Variants in CCDC191 observed in about 807,000 individuals in gnomAD.
The protein encoded by CCDC191 is coiled-coil domain containing 191, also known as coiled-coil domain-containing protein 191.
Under a neutral mutation model 114.0 loss-of-function variants are expected in CCDC191, and 99 were observed. The ratio of observed to expected loss-of-function variants is 0.87; its 90% CI spans 0.74 to 1.03. The LOEUF is 1.03. Ranked by LOEUF, CCDC191 falls within the 50% of genes least tolerant of loss-of-function variation. The pLI, the probability that CCDC191 is intolerant of heterozygous loss-of-function variation, is 0.00. For missense variants in CCDC191, 973 were observed against 1,087.0 expected, an observed-to-expected ratio of 0.90 and a Z score of 1.47; for synonymous variants, 351 against 376.0, an observed-to-expected ratio of 0.93 and a Z score of 0.77.
chr3:113,990,920 A>AT (rs2075535356), intron 13 of CCDC191, among the ~76,000 whole-genome samples: 1 of 135,596 alleles, frequency 7.4e-6, no homozygotes, highest in Non-Finnish European at 1.6e-5. Context: ...CAACATAGTG[A>AT]TAAAGCACCT....
Position 114,031,700 on chromosome 3 carries a change from C to T in CCDC191, c.898G>A (p.Glu300Lys), listed in dbSNP as rs752199460. The change falls in exon 7 of 17, where the codon GAG becomes AAG. Residue 300 changes from glutamate (E) to lysine (K), a missense_variant. Coordinates refer to ENST00000295878, the MANE Select transcript of CCDC191 (RefSeq NM_020817.2). ...TTTCTTTCCTTCACCATTTTTTCCT[C>T]ATCTGGAAGAATGTGAGTACTTTGA... ...MFQSTHILPD[E>K]EKMVKERKRK... The T allele has an allele frequency of 4.1e-5, 65 of 1,583,578 alleles. No individual in the cohort carries two copies. In the Admixed American group the frequency reaches 6.7e-4, roughly 16 times the overall value.
At chr3:113,999,102 T>C (rs775409986) in intron 13 of CCDC191, among the ~76,000 whole-genome samples, 2 of 152,122 alleles carry the variant, frequency 1.3e-5, no homozygotes, top group Admixed American at 1.3e-4. Flanking sequence ...CAGTATCCAA[T>C]ACATGGCATG....
In CCDC191 at chr3:113,964,590, C is replaced by G. The variant is rs563189652; in HGVS notation, c.*565G>C. The G allele has an allele frequency of 1.3e-5, 2 of 152,210 alleles. No homozygotes were observed. The highest frequency in any genetic ancestry group is 4.8e-5 in the African/African-American group (2 of 41,448). 9.4% of individuals were successfully genotyped at this position (152,210 alleles called of 1,614,324 possible). ...GCACGGAAGAGAAGCATCTCTGGTG[C>G]CTCAGTTTCTCTGAAATCAGGATAA... is the stretch of plus-strand genomic sequence containing the variant. On this transcript the variant is annotated 3_prime_UTR_variant, in exon 17 of 17. Coordinates refer to ENST00000295878, the MANE Select transcript of CCDC191 (RefSeq NM_020817.2).
At chr3:114,011,500 C>T (rs1213702010) in intron 8 of CCDC191, among the ~76,000 whole-genome samples, 3 of 152,042 alleles carry the variant, frequency 2.0e-5, no homozygotes, top group African/African-American at 7.3e-5. Flanking sequence ...AAAAGGCTTA[C>T]AAAAATCAAA....
intron 13 of CCDC191, among the ~76,000 whole-genome samples, chr3:113,993,123 A>T (rs532682420): frequency 6.6e-6 from 1 of 152,232 alleles, no homozygotes; most frequent in Admixed American, 6.5e-5. Flanking sequence ...GATAAAAAAA[A>T]ATTTCAGTAG....
Position 114,034,968 on chromosome 3 carries a change from C to T in CCDC191, c.775G>A (p.Glu259Lys). 6.2e-7 allele frequency: 1 copy of T among 1,614,066 alleles called. No individual in the cohort carries two copies. Residue 259 changes from glutamate to lysine, a missense_variant, in exon 6 of 17, where the codon GAG becomes AAG. Coordinates refer to ENST00000295878, the MANE Select transcript of CCDC191 (RefSeq NM_020817.2). ...ACAGTGCGTCTCCTCTCAATTATCT[C>T]CCTCCGCAGCTTCACCATCTCCCTT... ...IQREMVKLRR[E>K]IIERRRTVKA... is the part of the protein sequence containing the mutation.
chr3:113,974,547 TCAC>T (rs74674859), intron 16 of CCDC191, among the ~76,000 whole-genome samples: 17,077 of 152,146 alleles, frequency 0.11, 1,154 homozygotes, highest in Admixed American at 0.18. Flanking sequence ...GTCGAATTCC[TCAC>T]CTCAGGTGAT....
At position 113,980,675 on chromosome 3, in the gene CCDC191, C is replaced by T; in HGVS notation, c.2282G>A (p.Arg761Lys). 1.3e-6 allele frequency: 2 copies of T among 1,594,420 alleles called. No individual in the cohort carries two copies. Among genetic ancestry groups the T allele is most frequent in the Non-Finnish European group, 1.7e-6 (2 of 1,174,688 alleles). The change falls in exon 14 of 17, where the codon AGA becomes AAA. Residue 761 changes from arginine to lysine, a missense_variant. Physicochemically the swap from Arg to Lys is conservative, Grantham distance 26 (BLOSUM62 2). Transcript: ENST00000295878. ...KKGLEPWKRLRMQSKQNIQVA... is the reference protein window; with the variant it reads ...KKGLEPWKRLKMQSKQNIQVA... Reference sequence around the variant, plus strand: ...CTGGATGTTTTGTTTGCTTTGCATTCTCAATCTCTTCCAAGGCTCTAGACC... The same window carrying T: ...CTGGATGTTTTGTTTGCTTTGCATTTTCAATCTCTTCCAAGGCTCTAGACC...
rs1261444649 is a variant in CCDC191, at chr3:113,967,526, A to G, written c.2607-2167T>C. On this transcript the variant is annotated intron_variant, in intron 16 of 16. Coordinates refer to ENST00000295878, the MANE Select transcript of CCDC191 (RefSeq NM_020817.2). ...TATAATATTTTTATTGATACATAATATACATATTTTGGGGGTACATGTAAT... is the reference window on the plus strand; with the variant it reads ...TATAATATTTTTATTGATACATAATGTACATATTTTGGGGGTACATGTAAT... Among the ~76,000 whole-genome samples, 8 of 152,290 alleles carry G rather than the reference A, an allele frequency of 5.3e-5. No homozygotes were observed. In the East Asian group the frequency reaches 1.2e-3, roughly 22 times the overall value.
intron 15 of CCDC191, 74 bp downstream of exon 15, chr3:113,978,784 T>TC: frequency 1.3e-6 from 2 of 1,493,954 alleles, no homozygotes; most frequent in Admixed American, 3.9e-5. Context: ...CTGGACATTC[T>TC]GGATTTCATT....
intron 16 of CCDC191, among the ~76,000 whole-genome samples, chr3:113,975,581 CTGTT>C (rs1438069972): frequency 8.5e-5 from 13 of 152,316 alleles, no homozygotes; most frequent in African/African-American, 3.1e-4. Context: ...TGCTTCCACT[CTGTT>C]TAACATGTAA....
Position 114,002,455 on chromosome 3 carries a change from C to A in CCDC191, c.2061+1G>T, listed in dbSNP as rs1218315702. ...CTCAGTTTGCATTTTGAATCTATTA[C>A]CAATTTTTCTTCTTCTTGTTTTTTC... On this transcript the variant is annotated splice_donor_variant, in intron 12 of 16. Coordinates refer to ENST00000295878, the MANE Select transcript of CCDC191 (RefSeq NM_020817.2). LOFTEE classifies it high-confidence loss of function. The A allele has an allele frequency of 6.2e-7, 1 of 1,600,586 alleles. No homozygotes were observed. Among genetic ancestry groups the A allele is most frequent in the Non-Finnish European group, 8.5e-7 (1 of 1,172,788 alleles).
chr3:114,002,647 T>G lies in CCDC191; in HGVS notation c.1979-109A>C, dbSNP rs532211577. Reference sequence around the variant, plus strand: ...GTAAAATTTAGTGTTATTATTAGGGTTTTCTTGTAAGTTGAATGTTCACAA... The same window carrying G: ...GTAAAATTTAGTGTTATTATTAGGGGTTTCTTGTAAGTTGAATGTTCACAA... On this transcript the variant is annotated intron_variant, in intron 11 of 16. Transcript: ENST00000295878. 8.7e-6 allele frequency: 11 copies of G among 1,264,028 alleles called. No individual in the cohort carries two copies. The East Asian group carries it at 3.0e-4, about 34-fold the overall frequency. The allele number at this position is 1,264,028 out of a possible 1,614,324, so 78.3% of individuals were successfully genotyped here. A position where few individuals can be genotyped will look rare whatever the true frequency, so the allele number is the denominator to read the frequency against.
chr3:114,007,221 T>C (rs73230278), intron 9 of CCDC191, among the ~76,000 whole-genome samples: 4,039 of 152,292 alleles, frequency 0.027, 83 homozygotes, highest in South Asian at 0.047. Context: ...CTAGAATGGT[T>C]TGAGTCCATG....
At position 113,964,899 on chromosome 3, in the gene CCDC191, A is replaced by G; in HGVS notation, c.*256T>C. 3.6e-6 allele frequency: 1 copy of G among 281,286 alleles called. No homozygotes were observed. Among genetic ancestry groups the G allele is most frequent in the Non-Finnish European group, 6.6e-6 (1 of 152,440 alleles). The allele number at this position is 281,286 out of a possible 1,614,324, so 17.4% of individuals were successfully genotyped here. ...TTTTAAAGTTTACTATGCTAAAAAT[A>G]TATAGGATATATTTGAACAGACGAT... On this transcript the variant is annotated 3_prime_UTR_variant, in exon 17 of 17. Coordinates refer to ENST00000295878, the MANE Select transcript of CCDC191 (RefSeq NM_020817.2).
In CCDC191 at chr3:114,032,391, C is replaced by T. The variant is rs1034158002; in HGVS notation, c.819-612G>A. On this transcript the variant is annotated intron_variant, in intron 6 of 16. Transcript: ENST00000295878. ...CCTCTTTTTTGCCCACCTATCTATT[C>T]TTCCTCATCCAGGCCATCCCTCTTT... 3.9e-5 allele frequency among the ~76,000 whole-genome samples: 6 copies of T among 152,164 alleles called. No homozygotes were observed. In the East Asian group the frequency reaches 5.8e-4, roughly 15 times the overall value.
At chr3:114,001,549 C>G in intron 13 of CCDC191, 46 bp downstream of exon 13, 3 of 1,608,550 alleles carry the variant, frequency 1.9e-6, no homozygotes, top group Non-Finnish European at 2.5e-6. Flanking sequence ...GTATCACACA[C>G]AGCAAACCTC....
chr3:114,006,619 A>ATATATATATATATATATATATATAT (rs1559903359), intron 9 of CCDC191, among the ~76,000 whole-genome samples: 4 of 92,520 alleles, frequency 4.3e-5, no homozygotes, highest in African/African-American at 1.7e-4. Flanking sequence ...TATATATATA[A>ATATATATATATATATATATATATAT]ATATATATAT....
Position 114,056,509 on chromosome 3 carries a change from C to G in CCDC191, c.-43G>C, listed in dbSNP as rs1265688065. Reference sequence around the variant, plus strand: ...GAACCTCGGCCAAAGCTGCAGCAACCGCCCTTCTGCCCGGGCTGCCTCCGG... The same window carrying G: ...GAACCTCGGCCAAAGCTGCAGCAACGGCCCTTCTGCCCGGGCTGCCTCCGG... On this transcript the variant is annotated 5_prime_UTR_variant, in exon 1 of 17. Transcript: ENST00000295878. 1 of 1,613,338 alleles carries G rather than the reference C, an allele frequency of 6.2e-7. No homozygotes were observed. The highest frequency in any genetic ancestry group is 8.5e-7 in the Non-Finnish European group (1 of 1,179,946).
Sources: gnomAD v4.1 joint callset for allele counts (sites outside exome capture counted in the v4.1 genomes callset) on GRCh38, gnomAD v4.1.1 for gene constraint, MANE v1.5 for transcripts, NCBI Gene and HGNC (gene_info 2026-07-23, HGNC 2026-07-21) for gene names.